Variants in PLA2G5 observed in about 807,000 individuals in gnomAD.
PLA2G5 encodes the protein phospholipase A2 group V, also known as Ca2+-dependent phospholipase A2.
In PLA2G5, 12 loss-of-function variants were observed where a neutral mutation model predicts 15.9. The observed-to-expected ratio is 0.76, with a 90% CI of 0.48 to 1.23. The LOEUF (loss-of-function observed/expected upper bound fraction) is 1.23, where lower values mean the gene tolerates loss of function less well. Among genes scored for constraint, PLA2G5 ranks in the 50% most tolerant of loss-of-function variants. PLA2G5 has a pLI of 0.00. For missense variants in PLA2G5, 169 were observed against 177.1 expected (o/e 0.95, Z 0.26); for synonymous variants, 71 against 71.4 (o/e 0.99, Z 0.03).
chr1:20,061,888 TC>T (rs1184098460), intron 2 of PLA2G5, among the ~76,000 whole-genome samples: 3 of 152,220 alleles, frequency 2.0e-5, no homozygotes, highest in African/African-American at 4.8e-5. Context: ...CGGATGTTTG[TC>T]CCCACCCAGA....
chr1:20,030,550 C>T (rs1335167585), intron 1 of PLA2G5, among the ~76,000 whole-genome samples: 1 of 151,900 alleles, frequency 6.6e-6, no homozygotes, highest in Admixed American at 6.6e-5. Flanking sequence ...ATCTCAATTG[C>T]AAAGAGGCCT....
At position 20,086,153 on chromosome 1, in the gene PLA2G5, C is replaced by T. The variant is rs2016277448; in HGVS notation, c.111C>T (p.Ala37=). Residue 37 remains alanine (A), a synonymous_variant, in exon 3 of 5, where the codon GCC becomes GCT. Transcript: ENST00000375108. The part of the protein sequence containing the change: ...SMIEKVTGKN[A]LTNYGFYGCY... ...TCGAGAAGGTGACAGGGAAGAACGC[C>T]CTGACAAACTACGGCTTCTACGGCT... 1.2e-6 allele frequency: 2 copies of T among 1,613,932 alleles called. No individual in the cohort carries two copies. Among genetic ancestry groups the T allele is most frequent in the Admixed American group, 3.3e-5 (2 of 59,984 alleles).
At chr1:20,074,295 CAT>C (rs1014519985) in intron 1 of PLA2G5, among the ~76,000 whole-genome samples, 13 of 152,024 alleles carry the variant, frequency 8.6e-5, no homozygotes, top group African/African-American at 3.1e-4. Flanking sequence ...GCTCTTGTAA[CAT>C]ATCTGCACAC....
intron 1 of PLA2G5, among the ~76,000 whole-genome samples, chr1:20,053,183 T>C (rs914039791): frequency 6.6e-6 from 1 of 152,232 alleles, no homozygotes; most frequent in Non-Finnish European, 1.5e-5. Flanking sequence ...TCTCAGATAT[T>C]CAGGTTTCAC....
At chr1:20,033,986 A>G (rs760246288) in intron 1 of PLA2G5, among the ~76,000 whole-genome samples, 8 of 152,112 alleles carry the variant, frequency 5.3e-5, no homozygotes, top group Non-Finnish European at 8.8e-5. Context: ...GTCCCTTATT[A>G]GCTCCTTTGG....
intron 1 of PLA2G5, among the ~76,000 whole-genome samples, chr1:20,080,691 C>T (rs2015959228): frequency 6.7e-6 from 1 of 150,344 alleles, no homozygotes; most frequent in South Asian, 2.1e-4. Context: ...TACCAGGAAT[C>T]TTGGAGCTGG....
chr1:20,070,461 A>G lies in PLA2G5; in HGVS notation c.-15A>G. 1.0e-6 allele frequency: 1 copy of G among 984,520 alleles called. No individual in the cohort carries two copies. Among genetic ancestry groups the G allele is most frequent in the Non-Finnish European group, 1.2e-6 (1 of 829,746 alleles). 61.0% of individuals were successfully genotyped at this position (984,520 alleles called of 1,614,324 possible). A position where few individuals can be genotyped will look rare whatever the true frequency, so the allele number is the denominator to read the frequency against. On this transcript the variant is annotated 5_prime_UTR_variant, in exon 1 of 5. Transcript: ENST00000375108. ...TAGAGCAGGATTTGAGGCCAGGCCAAAGAGGTTAGTTACTGATGGGGGCTG... is the reference window on the plus strand; with the variant it reads ...TAGAGCAGGATTTGAGGCCAGGCCAGAGAGGTTAGTTACTGATGGGGGCTG...
upstream of PLA2G5, among the ~76,000 whole-genome samples, chr1:20,069,723 A>G (rs1227560912): frequency 1.3e-5 from 2 of 149,598 alleles, no homozygotes; most frequent in Non-Finnish European, 3.0e-5. Flanking sequence ...AAGAAACCAG[A>G]TTAAAGAACT....
At chr1:20,064,169 A>G (rs896836805) in intron 2 of PLA2G5, among the ~76,000 whole-genome samples, 2 of 152,222 alleles carry the variant, frequency 1.3e-5, no homozygotes, top group African/African-American at 4.8e-5. Flanking sequence ...GAAAATGGAT[A>G]TGACTCAGGA....
chr1:20,089,965 C>T (rs2016487959), intron 4 of PLA2G5, 70 bp downstream of exon 4: 2 of 1,077,536 alleles, frequency 1.9e-6, no homozygotes. Flanking sequence ...CCCTAGAGAA[C>T]AGCCAGCCTG....
intron 1 of PLA2G5, among the ~76,000 whole-genome samples, chr1:20,072,068 G>A (rs11573202): frequency 0.014 from 1,982 of 145,894 alleles, 48 homozygotes; most frequent in African/African-American, 0.046. Context: ...AGATCGCACC[G>A]CTGCGCTCCA....
At chr1:20,080,380 G>T (rs2015940399) in intron 1 of PLA2G5, among the ~76,000 whole-genome samples, 1 of 152,164 alleles carries the variant, frequency 6.6e-6, no homozygotes, top group East Asian at 1.9e-4. Flanking sequence ...TCAGGAGTTC[G>T]AGACCAGCCT....
intron 1 of PLA2G5, among the ~76,000 whole-genome samples, chr1:20,058,995 G>A (rs1047401686): frequency 1.3e-4 from 19 of 149,934 alleles, no homozygotes; most frequent in African/African-American, 1.7e-4. Context: ...CCAACATGGC[G>A]AAACTCCATC....
At chr1:20,076,323 T>C (rs1388144394) in intron 1 of PLA2G5, among the ~76,000 whole-genome samples, 1 of 152,110 alleles carries the variant, frequency 6.6e-6, no homozygotes, top group Admixed American at 6.5e-5. Context: ...AAAAATCCAG[T>C]TCCACTCATC....
At chr1:20,071,226 A>G (rs2015356652) in intron 1 of PLA2G5, among the ~76,000 whole-genome samples, 1 of 152,188 alleles carries the variant, frequency 6.6e-6, no homozygotes, top group Non-Finnish European at 1.5e-5. Flanking sequence ...GAGAAGGCCC[A>G]TAAAGAACTT....
In PLA2G5 at chr1:20,086,242, A is replaced by G. The variant is rs748761176; in HGVS notation, c.185+15A>G. 5 of 1,613,586 alleles carry G rather than the reference A, an allele frequency of 3.1e-6. No individual in the cohort carries two copies. The highest frequency in any genetic ancestry group is 1.3e-5 in the African/African-American group (1 of 74,934). ...GGCACCGATTGGTGAGCTGATCGCT[A>G]TAACTGCCCTTTAGGCTCCAGGCTC... On this transcript the variant is annotated intron_variant, in intron 3 of 4. Transcript: ENST00000375108.
In PLA2G5 at chr1:20,084,783, C is replaced by G. The variant is rs367942760; in HGVS notation, c.-10-38C>G. On this transcript the variant is annotated intron_variant, in intron 1 of 4. Coordinates refer to ENST00000375108, the MANE Select transcript of PLA2G5 (RefSeq NM_000929.3). Reference sequence around the variant, plus strand: ...ATCTGAATGGGCCACGGGGGCATTGCCTGATAGATCTGTTGTGGGATGTGT... The same window carrying G: ...ATCTGAATGGGCCACGGGGGCATTGGCTGATAGATCTGTTGTGGGATGTGT... 6.9e-6 allele frequency: 10 copies of G among 1,454,104 alleles called. No homozygotes were observed. In the African/African-American group the frequency reaches 1.4e-4, roughly 20 times the overall value. The allele number at this position is 1,454,104 out of a possible 1,614,324, so 90.1% of individuals were successfully genotyped here. A position where few individuals can be genotyped will look rare whatever the true frequency, so the allele number is the denominator to read the frequency against.
upstream of PLA2G5, chr1:20,068,861 G>GCCTCC: frequency 1.0e-6 from 1 of 953,430 alleles, no homozygotes; most frequent in South Asian, 1.4e-5. Context: ...CCAATGTGTT[G>GCCTCC]CCTCCTGGAA....
At chr1:20,055,679 G>A (rs1557733297) in intron 1 of PLA2G5, among the ~76,000 whole-genome samples, 1 of 152,150 alleles carries the variant, frequency 6.6e-6, no homozygotes, top group Non-Finnish European at 1.5e-5. Flanking sequence ...CCAGTGCTTT[G>A]GGACTAGCAG....
Sources: allele counts gnomAD v4.1 joint callset (sites outside exome capture counted in the v4.1 genomes callset), GRCh38; gene constraint gnomAD v4.1.1; transcripts MANE v1.5; gene names NCBI Gene and HGNC (gene_info 2026-07-23, HGNC 2026-07-21).